OR5A2: variants seen among roughly 807,000 people sequenced by gnomAD.
The protein encoded by OR5A2 is olfactory receptor family 5 subfamily A member 2.
For synonymous variants in OR5A2, 155 were observed against 151.1 expected (o/e 1.03, Z -0.19); for missense variants, 406 against 398.9 (o/e 1.02, Z -0.15).
At position 59,423,849 on chromosome 11, in the gene OR5A2, A is replaced by G. The variant is rs565740231; in HGVS notation, c.-91-805T>C. On this transcript the variant is annotated intron_variant, in intron 1 of 1. Coordinates refer to ENST00000302040, the MANE Select transcript of OR5A2 (RefSeq NM_001001954.2). Reference sequence around the variant, plus strand: ...ACAATTATAGGAAAGAAGGGATATGAACAGGTTTCCATAAAGGGGAAAGGG... The same window carrying G: ...ACAATTATAGGAAAGAAGGGATATGGACAGGTTTCCATAAAGGGGAAAGGG... The G allele has an allele frequency of 7.2e-5, 11 of 152,320 alleles. No individual in the cohort carries two copies. The South Asian group carries it at 2.3e-3, about 32-fold the overall frequency. The allele number at this position is 152,320 out of a possible 1,614,324, so 9.4% of individuals were successfully genotyped here. A position where few individuals can be genotyped will look rare whatever the true frequency, so the allele number is the denominator to read the frequency against.
At position 59,417,421 on chromosome 11, in the gene OR5A2, G is replaced by C. The variant is rs1184691695; in HGVS notation, c.*4558C>G. On this transcript the variant is annotated 3_prime_UTR_variant, in exon 2 of 2. Transcript: ENST00000302040. ...ATAGGAGGTCTTAACCAGCATAAGG[G>C]GAGAGAGAAACACAAGAAGAGAGAG... The C allele has an allele frequency of 6.6e-6, 1 of 152,218 alleles. No homozygotes were observed. Among genetic ancestry groups the C allele is most frequent in the Non-Finnish European group, 1.5e-5 (1 of 68,152 alleles). 9.4% of individuals were successfully genotyped at this position (152,218 alleles called of 1,614,324 possible). A position where few individuals can be genotyped will look rare whatever the true frequency, so the allele number is the denominator to read the frequency against.
intron 1 of OR5A2, chr11:59,424,471 C>T (rs1858270578): frequency 6.6e-6 from 1 of 152,094 alleles, no homozygotes; most frequent in Admixed American, 6.5e-5. Flanking sequence ...CCTGTAGTTC[C>T]AGCTACTTGG....
chr11:59,422,756 G>A lies in OR5A2; in HGVS notation c.198C>T (p.Asn66=). ...CATAGCAGATGTCCAGGAAGGACAGGTTACTGAGGAAGAAGTACATGGGCA... is the reference window on the plus strand; with the variant it reads ...CATAGCAGATGTCCAGGAAGGACAGATTACTGAGGAAGAAGTACATGGGCA... The part of the protein sequence containing the change: ...LHMPMYFFLS[N]LSFLDICYVS... The change falls in exon 2 of 2, where the codon AAC becomes AAT. Residue 66 remains asparagine, a synonymous_variant. Coordinates refer to ENST00000302040, the MANE Select transcript of OR5A2 (RefSeq NM_001001954.2). 2 of 1,614,142 alleles carry A rather than the reference G, an allele frequency of 1.2e-6. No individual in the cohort carries two copies. Among genetic ancestry groups the A allele is most frequent in the Non-Finnish European group, 8.5e-7 (1 of 1,179,996 alleles).
rs1439059662 is a variant in OR5A2, at chr11:59,418,555, C to G, written c.*3424G>C. The G allele has an allele frequency of 6.6e-6, 1 of 152,048 alleles. No individual in the cohort carries two copies. Among genetic ancestry groups the G allele is most frequent in the Non-Finnish European group, 1.5e-5 (1 of 68,002 alleles). 9.4% of individuals were successfully genotyped at this position (152,048 alleles called of 1,614,324 possible). Reference sequence around the variant, plus strand: ...TCAAATGGCTATAAAATGCCTGATTCCTTAAGGGCCCAAAATATTCTGTTT... The same window carrying G: ...TCAAATGGCTATAAAATGCCTGATTGCTTAAGGGCCCAAAATATTCTGTTT... On this transcript the variant is annotated 3_prime_UTR_variant, in exon 2 of 2. Transcript: ENST00000302040.
Position 59,420,941 on chromosome 11 carries a change from C to G in OR5A2, c.*1038G>C, listed in dbSNP as rs1245534590. ...GGTTTTATTCAAATTGTTTTAGTGG[C>G]CTCTTTTTGTAGTTGATTGAATTGG... On this transcript the variant is annotated 3_prime_UTR_variant, in exon 2 of 2. Coordinates refer to ENST00000302040, the MANE Select transcript of OR5A2 (RefSeq NM_001001954.2). 2 of 152,104 alleles carry G rather than the reference C, an allele frequency of 1.3e-5. No individual in the cohort carries two copies. Among genetic ancestry groups the G allele is most frequent in the African/African-American group, 4.8e-5 (2 of 41,408 alleles). 9.4% of individuals were successfully genotyped at this position (152,104 alleles called of 1,614,324 possible). A position where few individuals can be genotyped will look rare whatever the true frequency, so the allele number is the denominator to read the frequency against.
At position 59,422,005 on chromosome 11, in the gene OR5A2, G is replaced by T. The variant is rs1006792563; in HGVS notation, c.949C>A (p.Pro317Thr). 1 of 1,610,958 alleles carries T rather than the reference G, an allele frequency of 6.2e-7. No individual in the cohort carries two copies. The highest frequency in any genetic ancestry group is 8.5e-7 in the Non-Finnish European group (1 of 1,178,140). Residue 317 changes from proline to threonine, a missense_variant, in exon 2 of 2, where the codon CCA becomes ACA. Coordinates refer to ENST00000302040, the MANE Select transcript of OR5A2 (RefSeq NM_001001954.2). ...ERDPGISHGGPFIFMTLG is the reference protein window; with the variant it reads ...ERDPGISHGGTFIFMTLG ...TAGCCCAAGGTCATAAAAATGAATG[G>T]TCCACCGTGAGAAATCCCGGGGTCC...
intron 1 of OR5A2, chr11:59,423,936 A>G (rs1858263735): frequency 6.6e-6 from 1 of 152,340 alleles, no homozygotes; most frequent in African/African-American, 2.4e-5. Context: ...AACAGCAATC[A>G]ATATTTCCTG....
In OR5A2 at chr11:59,421,880, A is replaced by G; in HGVS notation, c.*99T>C. ...ATTAGTGAAATCTTAAGCAGGAGGG[A>G]AAAAAGCCTGATTCCCACAATTCAT... On this transcript the variant is annotated 3_prime_UTR_variant, in exon 2 of 2. Coordinates refer to ENST00000302040, the MANE Select transcript of OR5A2 (RefSeq NM_001001954.2). 1 of 1,320,496 alleles carries G rather than the reference A, an allele frequency of 7.6e-7. No homozygotes were observed. The highest frequency in any genetic ancestry group is 1.5e-5 in the African/African-American group (1 of 68,340). The allele number at this position is 1,320,496 out of a possible 1,614,324, so 81.8% of individuals were successfully genotyped here. A position where few individuals can be genotyped will look rare whatever the true frequency, so the allele number is the denominator to read the frequency against.
chr11:59,422,066 C>T lies in OR5A2; in HGVS notation c.888G>A (p.Lys296=). 1.2e-6 allele frequency: 2 copies of T among 1,614,060 alleles called. No homozygotes were observed. The highest frequency in any genetic ancestry group is 1.7e-6 in the Non-Finnish European group (2 of 1,179,972). ...VNPIIYSFRN[K]EIKNAMRKAM... is the part of the protein sequence containing the mutation. The stretch of plus-strand genomic sequence containing the variant: ...CTTTCCTCATGGCATTTTTAATCTC[C>T]TTATTCCTAAAACTGTAGATGATGG... Residue 296 remains lysine, a synonymous_variant, in exon 2 of 2, where the codon AAG becomes AAA. Coordinates refer to ENST00000302040, the MANE Select transcript of OR5A2 (RefSeq NM_001001954.2).
In OR5A2 at chr11:59,422,991, T is replaced by C. The variant is rs367696549; in HGVS notation, c.-38A>G. Reference sequence around the variant, plus strand: ...TGCATAAAGTCTTTACTTTCTTCTTTAAGAATCCTGTGGTCAGCTAGATTT... The same window carrying C: ...TGCATAAAGTCTTTACTTTCTTCTTCAAGAATCCTGTGGTCAGCTAGATTT... On this transcript the variant is annotated 5_prime_UTR_variant, in exon 2 of 2. Coordinates refer to ENST00000302040, the MANE Select transcript of OR5A2 (RefSeq NM_001001954.2). 5 of 1,559,942 alleles carry C rather than the reference T, an allele frequency of 3.2e-6. No homozygotes were observed. The highest frequency in any genetic ancestry group is 1.4e-5 in the African/African-American group (1 of 72,928).
At position 59,422,985 on chromosome 11, in the gene OR5A2, C is replaced by T; in HGVS notation, c.-32G>A. 1 of 1,566,250 alleles carries T rather than the reference C, an allele frequency of 6.4e-7. No homozygotes were observed. Among genetic ancestry groups the T allele is most frequent in the East Asian group, 2.2e-5 (1 of 44,538 alleles). On this transcript the variant is annotated 5_prime_UTR_variant, in exon 2 of 2. Transcript: ENST00000302040. ...GCTTCCTGCATAAAGTCTTTACTTT[C>T]TTCTTTAAGAATCCTGTGGTCAGCT...
At chr11:59,425,447 T>G (rs1590607850) in intron 1 of OR5A2, 1 of 152,110 alleles carries the variant, frequency 6.6e-6, no homozygotes, top group Admixed American at 6.6e-5. Flanking sequence ...TTTGGGAAGG[T>G]TTATACTCTT....
intron 1 of OR5A2, chr11:59,423,561 G>C (rs1287747892): frequency 6.6e-6 from 1 of 152,294 alleles, no homozygotes; most frequent in Non-Finnish European, 1.5e-5. Flanking sequence ...TATTCTTCTA[G>C]GTAGTAAAAC....
rs755660300 is a variant in OR5A2, at chr11:59,422,063, C to G, written c.891G>C (p.Glu297Asp). The G allele has an allele frequency of 1.5e-5, 24 of 1,613,924 alleles. No homozygotes were observed. Among genetic ancestry groups the G allele is most frequent in the Non-Finnish European group, 2.0e-5 (24 of 1,179,966 alleles). ...NPIIYSFRNKEIKNAMRKAME... is the reference protein window; with the variant it reads ...NPIIYSFRNKDIKNAMRKAME... ...TGGCTTTCCTCATGGCATTTTTAAT[C>G]TCCTTATTCCTAAAACTGTAGATGA... The change falls in exon 2 of 2, where the codon GAG (glutamate) becomes GAC (aspartate). Residue 297 changes from glutamate (E) to aspartate (D), a missense_variant. Transcript: ENST00000302040.
At position 59,422,144 on chromosome 11, in the gene OR5A2, G is replaced by A. The variant is rs185518554; in HGVS notation, c.810C>T (p.Asn270=). 1.4e-5 allele frequency: 23 copies of A among 1,614,008 alleles called. No individual in the cohort carries two copies. The Admixed American group carries it at 3.0e-4, about 21-fold the overall frequency. The change falls in exon 2 of 2, where the codon AAC becomes AAT. Residue 270 remains asparagine (N), a synonymous_variant. Transcript: ENST00000302040. ...AGAATATGGACACCACCTTGTCCCT[G>A]TTTAGGGAGTAGCTGGAACTGGGTC... The part of the protein sequence containing the change: ...YMRPSSSYSL[N]RDKVVSIFYA...
In OR5A2 at chr11:59,422,766, A is replaced by G. The variant is rs201332656; in HGVS notation, c.188T>C (p.Phe63Ser). Residue 63 changes from phenylalanine to serine, a missense_variant, in exon 2 of 2, where the codon TTC (phenylalanine) becomes TCC (serine). By Grantham distance (155) the Phe-to-Ser change is radical. Transcript: ENST00000302040. ...GTCCAGGAAGGACAGGTTACTGAGG[A>G]AGAAGTACATGGGCATGTGCAGGTG... ...DSHLHMPMYF[F>S]LSNLSFLDIC... 2 of 1,614,006 alleles carry G rather than the reference A, an allele frequency of 1.2e-6. No homozygotes were observed. Among genetic ancestry groups the G allele is most frequent in the Non-Finnish European group, 1.7e-6 (2 of 1,180,010 alleles).
rs1858190947 is a variant in OR5A2 at position 59,419,039 on chromosome 11, G to C, written c.*2940C>G. On this transcript the variant is annotated 3_prime_UTR_variant, in exon 2 of 2. Transcript: ENST00000302040. ...TGAGTTAGAGTACAGGTCAAGAATG[G>C]TGGAGGAAAAAAAATAGCTATAAGG... is the stretch of plus-strand genomic sequence containing the variant. 6.6e-6 allele frequency: 1 copy of C among 152,070 alleles called. No individual in the cohort carries two copies. The highest frequency in any genetic ancestry group is 2.1e-4 in the South Asian group (1 of 4,822). 9.4% of individuals were successfully genotyped at this position (152,070 alleles called of 1,614,324 possible). A position where few individuals can be genotyped will look rare whatever the true frequency, so the allele number is the denominator to read the frequency against.
chr11:59,420,838 A>C lies in OR5A2; in HGVS notation c.*1141T>G, dbSNP rs1312226676. The C allele has an allele frequency of 6.6e-6, 1 of 152,184 alleles. No individual in the cohort carries two copies. Among genetic ancestry groups the C allele is most frequent in the African/African-American group, 2.4e-5 (1 of 41,420 alleles). 9.4% of individuals were successfully genotyped at this position (152,184 alleles called of 1,614,324 possible). On this transcript the variant is annotated 3_prime_UTR_variant, in exon 2 of 2. Coordinates refer to ENST00000302040, the MANE Select transcript of OR5A2 (RefSeq NM_001001954.2). ...AGAACTTTTCATCCCAAATGAGCGT[A>C]TGCTTCTCTTTAGATTCCTAAGAAA...
Position 59,421,770 on chromosome 11 carries a change from G to A in OR5A2, c.*209C>T, listed in dbSNP as rs145182818. The A allele has an allele frequency of 1.9e-4, 92 of 490,372 alleles. 1 individual carries two copies. The highest frequency in any genetic ancestry group is 1.6e-3 in the African/African-American group (83 of 52,094). 30.4% of individuals were successfully genotyped at this position (490,372 alleles called of 1,614,324 possible). ...ATGATGAAGTTTTCTGCTAGGCAGAGCATTTAAAATCTCAAACTATACAAT... is the reference window on the plus strand; with the variant it reads ...ATGATGAAGTTTTCTGCTAGGCAGAACATTTAAAATCTCAAACTATACAAT... On this transcript the variant is annotated 3_prime_UTR_variant, in exon 2 of 2. Transcript: ENST00000302040.
Sources: allele counts gnomAD v4.1 joint callset, GRCh38; gene constraint gnomAD v4.1.1; transcripts MANE v1.5; gene names NCBI Gene and HGNC (gene_info 2026-07-23, HGNC 2026-07-21).